SLC35F1: variants seen among roughly 807,000 people sequenced by gnomAD.
The protein encoded by SLC35F1 is solute carrier family 35 member F1, also known as chromosome 6 open reading frame 169.
Under a neutral mutation model 48.7 loss-of-function variants are expected in SLC35F1, and 14 were observed. The ratio of observed to expected loss-of-function variants is 0.29; its 90% CI spans 0.19 to 0.45. The LOEUF is 0.45. SLC35F1 is among the 20% of genes least tolerant of loss of function. The pLI is 1.00. For missense variants in SLC35F1, 404 were observed against 500.0 expected (o/e 0.81, Z 1.83); for synonymous variants, 190 against 202.2 (o/e 0.94, Z 0.51).
intron 1 of SLC35F1, among the ~76,000 whole-genome samples, chr6:118,139,015 AAAAT>A (rs1399034515): frequency 6.6e-6 from 1 of 151,828 alleles, no homozygotes; most frequent in Non-Finnish European, 1.5e-5. Context: ...TCAATCAAGG[AAAAT>A]AAATGATATT....
intron 7 of SLC35F1, among the ~76,000 whole-genome samples, chr6:118,311,462 A>G (rs1018590144): frequency 4.6e-5 from 7 of 152,248 alleles, no homozygotes; most frequent in African/African-American, 1.7e-4. Context: ...TTGGTCAGAC[A>G]AAACACAACC....
intron 1 of SLC35F1, among the ~76,000 whole-genome samples, chr6:117,908,562 T>G (rs947870793): frequency 6.6e-6 from 1 of 152,194 alleles, no homozygotes; most frequent in Non-Finnish European, 1.5e-5. Context: ...GCCCAGTTAT[T>G]CCGAAGCGCC....
At chr6:117,926,755 G>C (rs1237841327) in intron 1 of SLC35F1, among the ~76,000 whole-genome samples, 1 of 152,112 alleles carries the variant, frequency 6.6e-6, no homozygotes, top group Non-Finnish European at 1.5e-5. Context: ...TGTGTATTTT[G>C]TCTTAAGAGC....
chr6:118,228,987 G>A (rs1018956654), intron 2 of SLC35F1, among the ~76,000 whole-genome samples: 7 of 151,006 alleles, frequency 4.6e-5, no homozygotes, highest in South Asian at 4.2e-4. Context: ...GTGCTGTCTT[G>A]CAGCACTTTT....
At chr6:118,158,420 C>T (rs1381615183) in intron 2 of SLC35F1, among the ~76,000 whole-genome samples, 1 of 152,138 alleles carries the variant, frequency 6.6e-6, no homozygotes, top group African/African-American at 2.4e-5. Flanking sequence ...GTCTCATAGT[C>T]ACAAGTTCTC....
intron 2 of SLC35F1, among the ~76,000 whole-genome samples, chr6:118,214,371 A>G (rs1037028561): frequency 6.6e-6 from 1 of 152,216 alleles, no homozygotes; most frequent in Non-Finnish European, 1.5e-5. Flanking sequence ...TGAAAACATA[A>G]CAAGAAAATT....
At chr6:117,981,515 A>T (rs771495288) in intron 1 of SLC35F1, among the ~76,000 whole-genome samples, 1 of 152,086 alleles carries the variant, frequency 6.6e-6, no homozygotes, top group Non-Finnish European at 1.5e-5. Context: ...GACATCAGGG[A>T]GTGCTGGGAG....
At chr6:118,124,277 T>C (rs2484147) in intron 1 of SLC35F1, among the ~76,000 whole-genome samples, 149,406 of 152,284 alleles carry the variant, frequency 0.98, 73,372 homozygotes, top group Middle Eastern at 1. Flanking sequence ...CTTTAGGTCA[T>C]GCAAACTCTC....
intron 2 of SLC35F1, among the ~76,000 whole-genome samples, chr6:118,176,437 C>T (rs1205310416): frequency 2.0e-5 from 3 of 152,084 alleles, no homozygotes; most frequent in Non-Finnish European, 4.4e-5. Flanking sequence ...TCAAGCGATC[C>T]TCCTGCCTTG....
At chr6:118,207,290 A>G (rs1379143691) in intron 2 of SLC35F1, among the ~76,000 whole-genome samples, 2 of 152,352 alleles carry the variant, frequency 1.3e-5, no homozygotes, top group East Asian at 3.9e-4. Flanking sequence ...ATTTAAAATA[A>G]ATTAGTCACT....
intron 1 of SLC35F1, among the ~76,000 whole-genome samples, chr6:118,001,662 C>A (rs1020416595): frequency 6.6e-6 from 1 of 152,012 alleles, no homozygotes; most frequent in Non-Finnish European, 1.5e-5. Context: ...AGTGAACAGG[C>A]AACCTACAAA....
chr6:118,088,790 A>G (rs926863737), intron 1 of SLC35F1, among the ~76,000 whole-genome samples: 5 of 152,168 alleles, frequency 3.3e-5, no homozygotes, highest in Non-Finnish European at 5.9e-5. Flanking sequence ...CATTGCATAA[A>G]GATGTGTTAG....
chr6:118,127,516 C>A (rs934064178), intron 1 of SLC35F1, among the ~76,000 whole-genome samples: 1 of 151,914 alleles, frequency 6.6e-6, no homozygotes, highest in African/African-American at 2.4e-5. Flanking sequence ...AGGGAGGATT[C>A]CTATCTGATC....
At chr6:118,199,050 A>G (rs1774839393) in intron 2 of SLC35F1, among the ~76,000 whole-genome samples, 3 of 152,094 alleles carry the variant, frequency 2.0e-5, no homozygotes, top group Admixed American at 2.0e-4. Flanking sequence ...CACACACTCC[A>G]TTTCTCACCA....
At chr6:118,271,591 C>A (rs1485705863) in intron 4 of SLC35F1, among the ~76,000 whole-genome samples, 1 of 152,180 alleles carries the variant, frequency 6.6e-6, no homozygotes, top group African/African-American at 2.4e-5. Flanking sequence ...TAATATAACT[C>A]ACCATTTATT....
chr6:118,305,762 C>A (rs1776305253), intron 7 of SLC35F1, among the ~76,000 whole-genome samples: 1 of 152,144 alleles, frequency 6.6e-6, no homozygotes, highest in South Asian at 2.1e-4. Context: ...TATATACACA[C>A]ACAGAAGTGT....
chr6:118,299,105 T>G (rs1776226974), intron 7 of SLC35F1, among the ~76,000 whole-genome samples: 1 of 152,044 alleles, frequency 6.6e-6, no homozygotes, highest in Admixed American at 6.6e-5. Context: ...CACTACAGCC[T>G]GGGGGGTCGA....
intron 1 of SLC35F1, among the ~76,000 whole-genome samples, chr6:117,934,066 A>T (rs191262579): frequency 1.4e-3 from 211 of 152,250 alleles, no homozygotes; most frequent in Non-Finnish European, 2.0e-3. Flanking sequence ...TGAACTACAG[A>T]AAAAGAGCTG....
intron 3 of SLC35F1, among the ~76,000 whole-genome samples, chr6:118,265,794 G>A (rs1775766226): frequency 6.6e-6 from 1 of 152,200 alleles, no homozygotes; most frequent in Non-Finnish European, 1.5e-5. Flanking sequence ...GGTGGTAGAG[G>A]CCACTTGTTT....
Sources: allele counts gnomAD v4.1 joint callset (sites outside exome capture counted in the v4.1 genomes callset), GRCh38; gene constraint gnomAD v4.1.1; transcripts MANE v1.5; gene names NCBI Gene and HGNC (gene_info 2026-07-23, HGNC 2026-07-21).